Variants in DNAAF11 observed in about 807,000 individuals in gnomAD.
DNAAF11 encodes dynein axonemal assembly factor 11.
DNAAF11 carries 45 observed loss-of-function variants against 60.8 expected under a neutral mutation model. The observed-to-expected ratio is 0.74, with a 90% CI of 0.58 to 0.95. The LOEUF is 0.95. DNAAF11 is among the 40% of genes least tolerant of loss of function. DNAAF11 has a pLI of 0.00. For synonymous variants in DNAAF11, 191 were observed against 183.5 expected (o/e 1.04, Z -0.33); for missense variants, 546 against 546.2 (o/e 1.00, Z 0.00).
intron 5 of DNAAF11, among the ~76,000 whole-genome samples, chr8:132,628,266 C>T (rs1820472077): frequency 6.6e-6 from 1 of 151,978 alleles, no homozygotes; most frequent in South Asian, 2.1e-4. Context: ...ACAAAAATTA[C>T]TCGGGCATGG....
At chr8:132,684,633 A>G in the DNAAF11 span, among the ~76,000 whole-genome samples, 6 of 152,182 alleles carry the variant, frequency 3.9e-5, no homozygotes, top group African/African-American at 1.4e-4. Context: ...CTGTGACCCA[A>G]TGTCCCCAGA....
chr8:132,572,709 G>C (rs1814335996), intron 11 of DNAAF11, among the ~76,000 whole-genome samples: 1 of 151,910 alleles, frequency 6.6e-6, no homozygotes, highest in Non-Finnish European at 1.5e-5. Flanking sequence ...AAAGTCACTG[G>C]GTTTCTACTA....
At chr8:132,610,730 T>A (rs1006252787) in intron 9 of DNAAF11, among the ~76,000 whole-genome samples, 2 of 152,172 alleles carry the variant, frequency 1.3e-5, no homozygotes, top group African/African-American at 4.8e-5. Flanking sequence ...TTGAAAAAAG[T>A]GTAACACAAT....
chr8:132,572,632 G>C, intron 11 of DNAAF11, 152 bp from the exon 12 acceptor site: 1 of 495,614 alleles, frequency 2.0e-6, no homozygotes, highest in Non-Finnish European at 3.5e-6. Flanking sequence ...CTAGCATCAA[G>C]AAGCTTAGAG....
At chr8:132,693,443 ATGTGAG>A in the DNAAF11 span, among the ~76,000 whole-genome samples, 1 of 115,408 alleles carries the variant, frequency 8.7e-6, no homozygotes, top group Non-Finnish European at 1.7e-5. Flanking sequence ...AATGTAATGT[ATGTGAG>A]TGTGTGTGTG....
At chr8:132,639,568 G>T (rs1343567306) in intron 3 of DNAAF11, among the ~76,000 whole-genome samples, 2 of 152,100 alleles carry the variant, frequency 1.3e-5, no homozygotes, top group Non-Finnish European at 2.9e-5. Flanking sequence ...CCTTTGGTGA[G>T]GTTTCCTCAA....
At chr8:132,695,517 G>GT in the DNAAF11 span, among the ~76,000 whole-genome samples, 1 of 152,184 alleles carries the variant, frequency 6.6e-6, no homozygotes, top group Non-Finnish European at 1.5e-5. Context: ...ATAGCTAGCT[G>GT]TATCTTCATA....
the DNAAF11 span, among the ~76,000 whole-genome samples, chr8:132,686,139 G>T: frequency 6.6e-6 from 1 of 152,208 alleles, no homozygotes; most frequent in Non-Finnish European, 1.5e-5. Context: ...GGTAGTCAAA[G>T]AAGGTCATCA....
chr8:132,626,270 C>G (rs1820275485), intron 5 of DNAAF11, among the ~76,000 whole-genome samples: 2 of 152,280 alleles, frequency 1.3e-5, no homozygotes, highest in Admixed American at 6.5e-5. Flanking sequence ...CCAGGATGGT[C>G]TCAATCTCCT....
upstream of DNAAF11, among the ~76,000 whole-genome samples, chr8:132,678,566 A>G (rs1244308944): frequency 6.6e-6 from 1 of 151,782 alleles, no homozygotes; most frequent in East Asian, 1.9e-4. Flanking sequence ...AGATTTTTTT[A>G]TAGAGATAAG....
chr8:132,694,849 T>C, the DNAAF11 span, among the ~76,000 whole-genome samples: 1 of 152,186 alleles, frequency 6.6e-6, no homozygotes, highest in Non-Finnish European at 1.5e-5. Flanking sequence ...ATCGTGAGTA[T>C]GGATGGCACC....
chr8:132,635,259 C>T (rs1486079336), intron 4 of DNAAF11, among the ~76,000 whole-genome samples: 2 of 152,164 alleles, frequency 1.3e-5, no homozygotes, highest in African/African-American at 4.8e-5. Context: ...GATCTTTCTT[C>T]ACCCAGGATT....
At chr8:132,614,247 A>G (rs1249203637) in intron 8 of DNAAF11, among the ~76,000 whole-genome samples, 1 of 152,172 alleles carries the variant, frequency 6.6e-6, no homozygotes, top group African/African-American at 2.4e-5. Context: ...AGAGGCCTGA[A>G]GGACACGAGG....
the DNAAF11 span, among the ~76,000 whole-genome samples, chr8:132,691,878 G>A: frequency 1.3e-5 from 2 of 152,134 alleles, no homozygotes; most frequent in Non-Finnish European, 2.9e-5. Flanking sequence ...TATGAACAAG[G>A]GGGATGAGTG....
chr8:132,583,821 C>T (rs1193103389), intron 10 of DNAAF11, 42 bp from the exon 11 acceptor site: 2 of 1,238,198 alleles, frequency 1.6e-6, no homozygotes, highest in South Asian at 2.4e-5. Flanking sequence ...TGCATTACTC[C>T]TTGATGTACC....
chr8:132,695,683 C>T, the DNAAF11 span, among the ~76,000 whole-genome samples: 14 of 151,974 alleles, frequency 9.2e-5, no homozygotes, highest in African/African-American at 2.7e-4. Flanking sequence ...AAGATGATTG[C>T]GAGGCACCAC....
chr8:132,665,250 G>T (rs1824520065), intron 1 of DNAAF11, among the ~76,000 whole-genome samples: 1 of 152,082 alleles, frequency 6.6e-6, no homozygotes, highest in African/African-American at 2.4e-5. Context: ...CCCCCGAGAA[G>T]AAATGTGTAA....
At chr8:132,696,851 G>A in the DNAAF11 span, among the ~76,000 whole-genome samples, 1 of 152,114 alleles carries the variant, frequency 6.6e-6, no homozygotes, top group East Asian at 1.9e-4. Context: ...AGAACGCATG[G>A]ACCCAATGAG....
At chr8:132,626,417 TACATGGTA>T (rs1820291019) in intron 5 of DNAAF11, among the ~76,000 whole-genome samples, 1 of 152,222 alleles carries the variant, frequency 6.6e-6, no homozygotes, top group Non-Finnish European at 1.5e-5. Context: ...TATGTAGCTT[TACATGGTA>T]ACAGTTCTCT....
Sources: gnomAD v4.1 joint callset for allele counts (sites outside exome capture counted in the v4.1 genomes callset) on GRCh38, gnomAD v4.1.1 for gene constraint, MANE v1.5 for transcripts, NCBI Gene and HGNC (gene_info 2026-07-23, HGNC 2026-07-21) for gene names.